The following SOX5 variants were observed in gnomAD, a reference collection of about 807,000 sequenced individuals.
The protein encoded by SOX5 is transcription factor SOX-5.
SOX5 carries 9 observed loss-of-function variants against 92.0 expected under a neutral mutation model. The ratio of observed to expected loss-of-function variants is 0.10; its 90% CI spans 0.06 to 0.17. The LOEUF (loss-of-function observed/expected upper bound fraction) is 0.17. Among genes scored for constraint, SOX5 ranks in the 10% least tolerant of loss-of-function variants. The probability of loss-of-function intolerance (pLI) is 1.00; values close to 1 mark genes in which losing one functional copy is unlikely to be tolerated. For missense variants in SOX5, 642 were observed against 944.5 expected (o/e 0.68, Z 4.20); for synonymous variants, 344 against 336.3 (o/e 1.02, Z -0.25).
intron 1 of SOX5, among the ~76,000 whole-genome samples, chr12:24,394,135 A>G (rs2136529647): frequency 6.6e-6 from 1 of 152,258 alleles, no homozygotes; most frequent in Middle Eastern, 3.4e-3. Flanking sequence ...GTTTTATCAC[A>G]CACAACAAGG....
intron 1 of SOX5, among the ~76,000 whole-genome samples, chr12:24,448,510 G>A (rs1175665305): frequency 6.6e-6 from 1 of 152,166 alleles, no homozygotes; most frequent in South Asian, 2.1e-4. Flanking sequence ...GTGTTGTAGA[G>A]GAGACAAGTA....
At chr12:24,391,907 G>A (rs1301887955) in intron 1 of SOX5, among the ~76,000 whole-genome samples, 2 of 152,028 alleles carry the variant, frequency 1.3e-5, no homozygotes, top group South Asian at 2.1e-4. Flanking sequence ...TCTTCTACAG[G>A]TTATTTCAAA....
intron 4 of SOX5, among the ~76,000 whole-genome samples, chr12:24,033,083 C>T (rs1955672962): frequency 6.6e-6 from 1 of 151,828 alleles, no homozygotes; most frequent in South Asian, 2.1e-4. Flanking sequence ...GTTTCATGAC[C>T]CCAAAAGGTT....
intron 4 of SOX5, among the ~76,000 whole-genome samples, chr12:24,014,265 T>C (rs1953309659): frequency 6.6e-6 from 1 of 152,102 alleles, no homozygotes; most frequent in African/African-American, 2.4e-5. Context: ...CCTTTAACCG[T>C]ATGTCATCAC....
At chr12:23,755,809 G>A in intron 3 of SOX5, 85 bp from the exon 4 acceptor site, 1 of 847,256 alleles carries the variant, frequency 1.2e-6, no homozygotes, top group Non-Finnish European at 1.8e-6. Flanking sequence ...CTAAAAATAA[G>A]GCCATCCCTA....
At chr12:23,760,929 C>T (rs1397028793) in intron 3 of SOX5, among the ~76,000 whole-genome samples, 1 of 152,028 alleles carries the variant, frequency 6.6e-6, no homozygotes, top group African/African-American at 2.4e-5. Flanking sequence ...ATTGAAAAAT[C>T]GAACAAACAA....
At chr12:24,461,088 G>T (rs1943571950) in intron 1 of SOX5, among the ~76,000 whole-genome samples, 1 of 152,030 alleles carries the variant, frequency 6.6e-6, no homozygotes, top group African/African-American at 2.4e-5. Flanking sequence ...CCTGAGATTT[G>T]GTTGCCCTCT....
rs543371958 is a variant in SOX5 at position 23,656,649 on chromosome 12, C to T, written c.931+8795G>A. On this transcript the variant is annotated intron_variant, in intron 7 of 14. Transcript: ENST00000451604. ...GTTTGTCATCTATGTAGCATATATC[C>T]TCAGGTATATGATATACAGTACATA... Among the ~76,000 whole-genome samples the T allele has an allele frequency of 3.9e-5, 6 of 151,904 alleles. No homozygotes were observed. The East Asian group carries it at 9.7e-4, about 24-fold the overall frequency.
chr12:24,113,114 C>T (rs1947566507), intron 4 of SOX5, among the ~76,000 whole-genome samples: 1 of 151,196 alleles, frequency 6.6e-6, no homozygotes, highest in African/African-American at 2.4e-5. Flanking sequence ...ATACAATGTC[C>T]TACCTGTAAT....
At chr12:23,903,208 A>T (rs1447221762) in intron 1 of SOX5, among the ~76,000 whole-genome samples, 4 of 152,198 alleles carry the variant, frequency 2.6e-5, no homozygotes, top group Non-Finnish European at 5.9e-5. Flanking sequence ...GCTACAGGAG[A>T]TAGATAGATA....
At chr12:24,527,390 A>G (rs982462933) in intron 1 of SOX5, among the ~76,000 whole-genome samples, 1 of 152,230 alleles carries the variant, frequency 6.6e-6, no homozygotes, top group African/African-American at 2.4e-5. Context: ...ATCTAGTCAT[A>G]TGTTTGTTAT....
At chr12:24,320,492 C>T (rs746403708) in intron 2 of SOX5, among the ~76,000 whole-genome samples, 3 of 152,122 alleles carry the variant, frequency 2.0e-5, no homozygotes, top group Non-Finnish European at 4.4e-5. Flanking sequence ...TTAGTTGTAA[C>T]TTTACTTTCC....
intron 1 of SOX5, among the ~76,000 whole-genome samples, chr12:24,410,877 G>A (rs1337389224): frequency 1.3e-5 from 2 of 152,180 alleles, no homozygotes; most frequent in Non-Finnish European, 2.9e-5. Flanking sequence ...GATAGTAATT[G>A]TGTTAAGCCT....
At chr12:24,432,766 C>T (rs1170040386) in intron 1 of SOX5, among the ~76,000 whole-genome samples, 1 of 152,004 alleles carries the variant, frequency 6.6e-6, no homozygotes, top group Non-Finnish European at 1.5e-5. Context: ...GAGCCAAGAT[C>T]GCACCACTGC....
intron 3 of SOX5, among the ~76,000 whole-genome samples, chr12:23,798,599 C>CAAAAAAAA: frequency 8.1e-6 from 1 of 124,214 alleles, no homozygotes; most frequent in Non-Finnish European, 1.8e-5. Flanking sequence ...GCAAAAGAAC[C>CAAAAAAAA]AAAAAAAAAA....
intron 4 of SOX5, among the ~76,000 whole-genome samples, chr12:24,148,712 AAAAAG>A (rs1319794471): frequency 0.12 from 14,072 of 118,266 alleles, 1,310 homozygotes; most frequent in African/African-American, 0.25. Flanking sequence ...AAAAAAAAAA[AAAAAG>A]AAGAAAGAAA....
At chr12:24,025,707 A>G (rs947721501) in intron 4 of SOX5, among the ~76,000 whole-genome samples, 8 of 152,094 alleles carry the variant, frequency 5.3e-5, no homozygotes, top group Non-Finnish European at 1.2e-4. Context: ...CAAAATGCCA[A>G]TAAAACTTTC....
chr12:24,070,761 G>A (rs375856543), intron 4 of SOX5, among the ~76,000 whole-genome samples: 156 of 152,240 alleles, frequency 1.0e-3, no homozygotes, highest in Middle Eastern at 6.8e-3. Context: ...AGAATCTTAA[G>A]TGTACAGCTC....
chr12:24,208,400 A>T (rs1377870411), intron 4 of SOX5, among the ~76,000 whole-genome samples: 1 of 152,134 alleles, frequency 6.6e-6, no homozygotes, highest in Non-Finnish European at 1.5e-5. Flanking sequence ...TTTGAACCCA[A>T]CTTACCTTTA....
Sources: gnomAD v4.1 joint callset for allele counts (sites outside exome capture counted in the v4.1 genomes callset) on GRCh38, gnomAD v4.1.1 for gene constraint, MANE v1.5 for transcripts, NCBI Gene and HGNC (gene_info 2026-07-23, HGNC 2026-07-21) for gene names.